Variants in SYNE3 observed in about 807,000 individuals in gnomAD.
SYNE3 encodes nesprin-3.
SYNE3 carries 100 observed loss-of-function variants against 111.2 expected under a neutral mutation model. The ratio of observed to expected loss-of-function variants is 0.90; its 90% confidence interval spans 0.77 to 1.06. The LOEUF is 1.06. Among genes scored for constraint, SYNE3 ranks in the 50% least tolerant of loss-of-function variants. SYNE3 has a pLI of 0.00. For synonymous variants in SYNE3, 547 were observed against 533.9 expected, an observed-to-expected ratio of 1.02 and a Z score of -0.34; for missense variants, 1,160 against 1,240.3, an observed-to-expected ratio of 0.94 and a Z score of 0.97.
At position 95,421,134 on chromosome 14, in the gene SYNE3, C is replaced by T. The variant is rs1366921392; in HGVS notation, c.2728-3108G>A. On this transcript the variant is annotated intron_variant, in intron 17 of 17. Transcript: ENST00000682763. ...CCCCAGCCACGTGGAACTGTGAGTT[C>T]ATTAAACCTCTTTTTCTTTATAAAT... Among the ~76,000 whole-genome samples, 3 of 152,148 alleles carry T rather than the reference C, an allele frequency of 2.0e-5. No individual in the cohort carries two copies. The East Asian group carries it at 5.8e-4, about 29-fold the overall frequency.
In SYNE3 at chr14:95,466,006, G is replaced by C. The variant is rs758570989; in HGVS notation, c.552C>G (p.Ile184Met). The change falls in exon 4 of 18, where the codon ATC becomes ATG. Residue 184 changes from isoleucine to methionine, a missense_variant. Coordinates refer to ENST00000682763, the MANE Select transcript of SYNE3 (RefSeq NM_152592.6). Reference sequence around the variant, plus strand: ...CATCTTCGTCCACGCTGGGGTCCCCGATCCTGTTGAACAGGGAGGCTGCCT... The same window carrying C: ...CATCTTCGTCCACGCTGGGGTCCCCCATCCTGTTGAACAGGGAGGCTGCCT... ...LEEAASLFNR[I>M]GDPSVDEDAQ... 6.2e-7 allele frequency: 1 copy of C among 1,610,592 alleles called. No individual in the cohort carries two copies. Among genetic ancestry groups the C allele is most frequent in the South Asian group, 1.1e-5 (1 of 90,960 alleles).
chr14:95,512,264 A>C (rs1890748016), intron 1 of SYNE3, among the ~76,000 whole-genome samples: 1 of 152,210 alleles, frequency 6.6e-6, no homozygotes, highest in Non-Finnish European at 1.5e-5. Context: ...AGAGAGGCAG[A>C]TTTTCTAAGA....
Position 95,443,049 on chromosome 14 carries a change from A to G in SYNE3, c.1911+106T>C. ...GAAAACAGGGAGAAAGAAAAAAGAG[A>G]GGTTAGAAGGAATGAAGGCAGGAAA... On this transcript the variant is annotated intron_variant, in intron 11 of 17. Coordinates refer to ENST00000682763, the MANE Select transcript of SYNE3 (RefSeq NM_152592.6). 2.9e-6 allele frequency: 4 copies of G among 1,374,340 alleles called. No homozygotes were observed. In the South Asian group the frequency reaches 5.5e-5, roughly 19 times the overall value. The allele number at this position is 1,374,340 out of a possible 1,614,324, so 85.1% of individuals were successfully genotyped here. A position where few individuals can be genotyped will look rare whatever the true frequency, so the allele number is the denominator to read the frequency against.
intron 11 of SYNE3, 150 bp downstream of exon 11, chr14:95,443,005 G>T: frequency 9.9e-7 from 1 of 1,013,912 alleles, no homozygotes; most frequent in South Asian, 1.7e-5. Context: ...ATTGTCTGTT[G>T]TATGAATGAG....
intron 1 of SYNE3, among the ~76,000 whole-genome samples, chr14:95,514,886 C>A (rs974720230): frequency 1.3e-5 from 2 of 152,244 alleles, no homozygotes; most frequent in Admixed American, 1.3e-4. Flanking sequence ...CCGCTCCAGG[C>A]TGCATCACAA....
chr14:95,491,270 T>A (rs1267954655), intron 1 of SYNE3, among the ~76,000 whole-genome samples: 1 of 152,006 alleles, frequency 6.6e-6, no homozygotes, highest in African/African-American at 2.4e-5. Context: ...GCTGTGCCGT[T>A]TTATGGATGA....
At chr14:95,431,202 T>C (rs1175286218) in intron 17 of SYNE3, among the ~76,000 whole-genome samples, 1 of 152,180 alleles carries the variant, frequency 6.6e-6, no homozygotes, top group African/African-American at 2.4e-5. Context: ...ACACTTGGCT[T>C]TTCCAGAAAT....
chr14:95,460,630 G>C (rs1566668785), intron 4 of SYNE3, among the ~76,000 whole-genome samples: 5 of 151,978 alleles, frequency 3.3e-5, no homozygotes, highest in East Asian at 3.9e-4. Context: ...TGGAGCAAGC[G>C]AGGGGACAGT....
chr14:95,487,646 T>C (rs1371832101), intron 1 of SYNE3, among the ~76,000 whole-genome samples: 1 of 152,196 alleles, frequency 6.6e-6, no homozygotes, highest in East Asian at 1.9e-4. Context: ...CACCCGTCCA[T>C]AAAATGAACA....
chr14:95,507,159 C>T (rs570407173), intron 1 of SYNE3, among the ~76,000 whole-genome samples: 1 of 152,294 alleles, frequency 6.6e-6, no homozygotes, highest in South Asian at 2.1e-4. Context: ...CCTGGTGCCC[C>T]GCCCAGCCCC....
chr14:95,489,953 G>C (rs1025375807), intron 1 of SYNE3, among the ~76,000 whole-genome samples: 5 of 152,214 alleles, frequency 3.3e-5, no homozygotes, highest in Non-Finnish European at 5.9e-5. Context: ...GCTCTGGAAT[G>C]GGGTTAGGAG....
At chr14:95,471,324 G>C (rs8015793) in intron 2 of SYNE3, among the ~76,000 whole-genome samples, 37,041 of 152,156 alleles carry the variant, frequency 0.24, 4,807 homozygotes, top group Middle Eastern at 0.36. Flanking sequence ...CCAAAGCCTG[G>C]TGTCCTGACT....
intron 1 of SYNE3, among the ~76,000 whole-genome samples, chr14:95,494,891 T>A (rs2139579981): frequency 6.6e-6 from 1 of 152,098 alleles, no homozygotes; most frequent in Non-Finnish European, 1.5e-5. Flanking sequence ...GGTGTGTGGA[T>A]CGCCTGAGGT....
rs565439068 is a variant in SYNE3, at chr14:95,443,945, G to A, written c.1776+540C>T. On this transcript the variant is annotated intron_variant, in intron 10 of 17. Transcript: ENST00000682763. Reference sequence around the variant, plus strand: ...CCCAAAGTGCTGGGATTACAGGCGTGAGCCACCGCTCCCGGCCTAAAATGC... The same window carrying A: ...CCCAAAGTGCTGGGATTACAGGCGTAAGCCACCGCTCCCGGCCTAAAATGC... 1.3e-5 allele frequency: 2 copies of A among 153,356 alleles called. 1 individual carries two copies. Among genetic ancestry groups the A allele is most frequent in the African/African-American group, 4.8e-5 (2 of 41,510 alleles). The allele number at this position is 153,356 out of a possible 1,614,324, so 9.5% of individuals were successfully genotyped here. A position where few individuals can be genotyped will look rare whatever the true frequency, so the allele number is the denominator to read the frequency against.
rs757939348 is a variant in SYNE3, at chr14:95,484,811, T to C, written c.-14-8976A>G. Among the ~76,000 whole-genome samples, 7 of 152,360 alleles carry C rather than the reference T, an allele frequency of 4.6e-5. 1 individual carries two copies. The highest frequency in any genetic ancestry group is 3.9e-4 in the East Asian group (2 of 5,186). ...TTGCTTGTTTGATGGATGTGTTGCA[T>C]ATGTATAAATGTAGAATGTATTTCA... On this transcript the variant is annotated intron_variant, in intron 1 of 17. Transcript: ENST00000682763.
At chr14:95,476,577 T>C (rs1888904254) in intron 1 of SYNE3, among the ~76,000 whole-genome samples, 1 of 152,276 alleles carries the variant, frequency 6.6e-6, no homozygotes, top group African/African-American at 2.4e-5. Flanking sequence ...CCCTGGGCTA[T>C]GGCTGCAAAG....
intron 14 of SYNE3, among the ~76,000 whole-genome samples, chr14:95,437,347 G>A (rs1016779944): frequency 6.6e-6 from 1 of 152,220 alleles, no homozygotes; most frequent in Non-Finnish European, 1.5e-5. Flanking sequence ...CCACATTGGT[G>A]CCTCTCACTA....
chr14:95,460,602 C>G (rs772431321), intron 4 of SYNE3, among the ~76,000 whole-genome samples: 2 of 142,540 alleles, frequency 1.4e-5, no homozygotes, highest in Non-Finnish European at 1.5e-5. Flanking sequence ...AAACATGGGC[C>G]CTGCTTGAAT....
rs548937329 is a variant in SYNE3 at position 95,421,784 on chromosome 14, G to A, written c.2728-3758C>T. 5.3e-4 allele frequency among the ~76,000 whole-genome samples: 80 copies of A among 152,282 alleles called. 1 individual carries two copies. Among genetic ancestry groups the A allele is most frequent in the South Asian group, 3.9e-3 (19 of 4,826 alleles). On this transcript the variant is annotated intron_variant, in intron 17 of 17. Coordinates refer to ENST00000682763, the MANE Select transcript of SYNE3 (RefSeq NM_152592.6). ...GAAGAAAGCACTGCCCTCCTTAAAC[G>A]CTATCTCTCAGCTCCTTAAAGACCC...
Sources: allele counts gnomAD v4.1 joint callset (sites outside exome capture counted in the v4.1 genomes callset), GRCh38; gene constraint gnomAD v4.1.1; transcripts MANE v1.5; gene names NCBI Gene and HGNC (gene_info 2026-07-23, HGNC 2026-07-21).